The following ZBBX variants were observed in gnomAD, a reference collection of about 807,000 sequenced individuals.
ZBBX encodes the protein zinc finger B-box domain containing, also known as zinc finger B-box domain-containing protein 1.
In ZBBX, 101 loss-of-function variants were observed where a neutral mutation model predicts 108.5. That is an observed-to-expected ratio of 0.93 (90% confidence interval 0.79 to 1.10). ZBBX has a LOEUF of 1.10. ZBBX is among the 50% of genes least tolerant of loss of function. ZBBX has a pLI of 0.00. For missense variants in ZBBX, 1,009 were observed against 941.4 expected, an observed-to-expected ratio of 1.07 and a Z score of -0.94; for synonymous variants, 356 against 323.4, an observed-to-expected ratio of 1.10 and a Z score of -1.08.
At chr3:167,272,180 A>G (rs1258459582) in intron 20 of ZBBX, among the ~76,000 whole-genome samples, 1 of 152,198 alleles carries the variant, frequency 6.6e-6, no homozygotes. Flanking sequence ...CCTCAGAAGG[A>G]TATAGGCCTT....
At chr3:167,207,879 G>A in the ZBBX span, among the ~76,000 whole-genome samples, 1 of 152,086 alleles carries the variant, frequency 6.6e-6, no homozygotes, top group African/African-American at 2.4e-5. Context: ...CACAGGAGCT[G>A]GATTAAGCTT....
intron 17 of ZBBX, among the ~76,000 whole-genome samples, chr3:167,304,597 G>C: frequency 6.6e-6 from 1 of 152,056 alleles, no homozygotes; most frequent in East Asian, 1.9e-4. Context: ...TAATGTCTTG[G>C]CTTCAAGTTT....
At chr3:167,375,456 G>A (rs928829941) in intron 2 of ZBBX, among the ~76,000 whole-genome samples, 1 of 152,008 alleles carries the variant, frequency 6.6e-6, no homozygotes, top group Non-Finnish European at 1.5e-5. Context: ...GCCAGGCGTG[G>A]TGGCATACAC....
intron 8 of ZBBX, among the ~76,000 whole-genome samples, chr3:167,352,207 T>A (rs2108504123): frequency 6.6e-6 from 1 of 151,696 alleles, no homozygotes; most frequent in East Asian, 1.9e-4. Flanking sequence ...AAAAATTGGG[T>A]CTTTGAAAAA....
Position 167,347,162 on chromosome 3 carries a change from G to A in ZBBX, c.528+3258C>T, listed in dbSNP as rs115235929. 7.4e-3 allele frequency among the ~76,000 whole-genome samples: 1,128 copies of A among 151,964 alleles called. 11 individuals are homozygous for A. The highest frequency in any genetic ancestry group is 0.012 in the Non-Finnish European group (810 of 67,852). On this transcript the variant is annotated intron_variant, in intron 9 of 21. Coordinates refer to ENST00000675490, the MANE Select transcript of ZBBX (RefSeq NM_001199201.2). ...GTGCTCTATTTACAGGAGGGAGTAC[G>A]TAGTACAATTTGAAATAGTTTCTTT...
At chr3:167,289,733 G>C (rs756656839) in intron 18 of ZBBX, among the ~76,000 whole-genome samples, 14 of 152,144 alleles carry the variant, frequency 9.2e-5, no homozygotes, top group Non-Finnish European at 1.8e-4. Context: ...GTGGCACCTG[G>C]AACATGAGTG....
intron 4 of ZBBX, 126 bp downstream of exon 4, chr3:167,372,708 A>G (rs1746338130): frequency 1.8e-6 from 1 of 541,516 alleles, no homozygotes; most frequent in Non-Finnish European, 3.3e-6. Context: ...TTTCAAAGCT[A>G]TATTCTTATA....
chr3:167,325,372 G>C (rs1385076239), intron 11 of ZBBX, among the ~76,000 whole-genome samples: 1 of 152,104 alleles, frequency 6.6e-6, no homozygotes, highest in Non-Finnish European at 1.5e-5. Context: ...GAGAGAGCTT[G>C]TGCAGGGAAC....
At chr3:167,244,945 C>T (rs913782539) in intron 20 of ZBBX, among the ~76,000 whole-genome samples, 6 of 152,052 alleles carry the variant, frequency 3.9e-5, no homozygotes, top group African/African-American at 1.4e-4. Context: ...AAAACACATA[C>T]ATAAAACTAT....
At chr3:167,301,440 G>A (rs1435125375) in intron 17 of ZBBX, among the ~76,000 whole-genome samples, 1 of 152,178 alleles carries the variant, frequency 6.6e-6, no homozygotes, top group Non-Finnish European at 1.5e-5. Flanking sequence ...GAAGAGAACG[G>A]CAGGAAAGAG....
At chr3:167,333,101 A>G (rs1738938551) in intron 10 of ZBBX, among the ~76,000 whole-genome samples, 1 of 152,018 alleles carries the variant, frequency 6.6e-6, no homozygotes, top group Non-Finnish European at 1.5e-5. Flanking sequence ...TCCTACTAGC[A>G]TAGAACACAT....
chr3:167,350,161 TCA>T (rs1364163357), intron 9 of ZBBX, among the ~76,000 whole-genome samples: 3 of 152,196 alleles, frequency 2.0e-5, no homozygotes, highest in East Asian at 3.9e-4. Flanking sequence ...AGTGTCAAGT[TCA>T]CAGTCAGAAT....
At chr3:167,308,033 A>G (rs946548973) in intron 16 of ZBBX, among the ~76,000 whole-genome samples, 1 of 152,236 alleles carries the variant, frequency 6.6e-6, no homozygotes, top group African/African-American at 2.4e-5. Context: ...GACAAACTAC[A>G]GAATGGGGGA....
At chr3:167,207,781 A>C in the ZBBX span, among the ~76,000 whole-genome samples, 1 of 152,258 alleles carries the variant, frequency 6.6e-6, no homozygotes, top group Non-Finnish European at 1.5e-5. Context: ...AGAGGTTTTC[A>C]CCAGTCACCC....
chr3:167,315,783 T>G lies in ZBBX; in HGVS notation c.1241A>C (p.Lys414Thr). 6.2e-7 allele frequency: 1 copy of G among 1,608,128 alleles called. No individual in the cohort carries two copies. The highest frequency in any genetic ancestry group is 8.5e-7 in the Non-Finnish European group (1 of 1,176,704). Reference sequence around the variant, plus strand: ...ACTGTCTGCATCAGCTAATTTAACTTTGTAAGGCACAATATTTTCTGCTTC... The same window carrying G: ...ACTGTCTGCATCAGCTAATTTAACTGTGTAAGGCACAATATTTTCTGCTTC... ...FEEAENIVPY[K>T]VKLADADSQR... The change falls in exon 15 of 22, where the codon AAA becomes ACA. Residue 414 changes from lysine to threonine, a missense_variant. By Grantham distance (78) the Lys-to-Thr change is moderately conservative (BLOSUM62 -1). Coordinates refer to ENST00000675490, the MANE Select transcript of ZBBX (RefSeq NM_001199201.2).
downstream of ZBBX, among the ~76,000 whole-genome samples, chr3:167,238,116 T>C (rs763172853): frequency 1.3e-5 from 2 of 151,978 alleles, no homozygotes; most frequent in Non-Finnish European, 2.9e-5. Flanking sequence ...CCTGAGCAGA[T>C]ATGCTAAAAT....
In ZBBX at chr3:167,321,873, C is replaced by T. The variant is rs111944676; in HGVS notation, c.983+244G>A. On this transcript the variant is annotated intron_variant, in intron 12 of 21. Coordinates refer to ENST00000675490, the MANE Select transcript of ZBBX (RefSeq NM_001199201.2). Reference sequence around the variant, plus strand: ...TCTTAAATTCATTTCTGCATTTGCGCCTTTTCCTTATATACACATTTCCAT... The same window carrying T: ...TCTTAAATTCATTTCTGCATTTGCGTCTTTTCCTTATATACACATTTCCAT... 6.2e-3 allele frequency among the ~76,000 whole-genome samples: 947 copies of T among 151,904 alleles called. 6 individuals carry two copies. Among genetic ancestry groups the T allele is most frequent in the African/African-American group, 0.02 (846 of 41,478 alleles).
At chr3:167,368,901 A>G (rs1050657307) in intron 4 of ZBBX, 2 of 234,114 alleles carry the variant, frequency 8.5e-6, no homozygotes, top group Non-Finnish European at 1.4e-5. Flanking sequence ...AAATAAAAAT[A>G]TTGTCCAATT....
chr3:167,183,602 T>G, the ZBBX span, among the ~76,000 whole-genome samples: 1 of 152,244 alleles, frequency 6.6e-6, no homozygotes, highest in Non-Finnish European at 1.5e-5. Flanking sequence ...TGATAAGCAT[T>G]GTTCCTGTAG....
Sources: gnomAD v4.1 joint callset for allele counts (sites outside exome capture counted in the v4.1 genomes callset) on GRCh38, gnomAD v4.1.1 for gene constraint, MANE v1.5 for transcripts, NCBI Gene and HGNC (gene_info 2026-07-23, HGNC 2026-07-21) for gene names.